Variants in GPHN observed in about 807,000 individuals in gnomAD.
The protein encoded by GPHN is gephyrin.
A neutral mutation model predicts 95.5 loss-of-function variants in GPHN; 17 were observed. That is an observed-to-expected ratio of 0.18 (90% CI 0.12 to 0.27). The LOEUF (loss-of-function observed/expected upper bound fraction) is 0.27, where lower values mean the gene tolerates loss of function less well. GPHN is among the 10% of genes least tolerant of loss of function. The pLI is 1.00. For missense variants in GPHN, 660 were observed against 978.1 expected, an observed-to-expected ratio of 0.67 and a Z score of 4.34; for synonymous variants, 320 against 322.5, an observed-to-expected ratio of 0.99 and a Z score of 0.08.
the GPHN span, among the ~76,000 whole-genome samples, chr14:67,439,557 C>CTTTCTT: frequency 1.9e-5 from 2 of 104,280 alleles, no homozygotes; most frequent in Non-Finnish European, 3.7e-5. Flanking sequence ...TTCTTTCTTT[C>CTTTCTT]TTTCTTTCTT....
the GPHN span, among the ~76,000 whole-genome samples, chr14:67,327,854 T>G: frequency 6.6e-6 from 1 of 152,238 alleles, no homozygotes; most frequent in African/African-American, 2.4e-5. Context: ...TTCCATGGTG[T>G]ATATGTGCCA....
intron 20 of GPHN, among the ~76,000 whole-genome samples, chr14:67,168,054 A>G (rs1490527666): frequency 6.6e-6 from 1 of 152,232 alleles, no homozygotes; most frequent in African/African-American, 2.4e-5. Context: ...TCAGGCTGCC[A>G]TGACAGAATA....
chr14:66,994,937 C>T (rs2071683464), intron 9 of GPHN, among the ~76,000 whole-genome samples: 1 of 152,062 alleles, frequency 6.6e-6, no homozygotes, highest in African/African-American at 2.4e-5. Flanking sequence ...TTTGTATATT[C>T]ATTTATTAAA....
chr14:67,563,878 T>C, the GPHN span, among the ~76,000 whole-genome samples: 1 of 148,214 alleles, frequency 6.7e-6, no homozygotes, highest in African/African-American at 2.5e-5. Context: ...GAATTACAGG[T>C]GTGTGCCACC....
chr14:67,439,545 CTTTCTT>C, the GPHN span, among the ~76,000 whole-genome samples: 5,493 of 137,974 alleles, frequency 0.04, 145 homozygotes, highest in Middle Eastern at 0.068. Context: ...TTCTTTCTTT[CTTTCTT>C]TCTTTCTTTC....
chr14:67,607,865 T>C, the GPHN span, among the ~76,000 whole-genome samples: 2 of 152,314 alleles, frequency 1.3e-5, no homozygotes, highest in African/African-American at 4.8e-5. Flanking sequence ...ACTCTCTGAA[T>C]AGCCAGAGAT....
At chr14:67,134,657 T>C (rs751837907) in intron 17 of GPHN, among the ~76,000 whole-genome samples, 2 of 152,224 alleles carry the variant, frequency 1.3e-5, no homozygotes, top group African/African-American at 2.4e-5. Context: ...GAGAGAGTTG[T>C]ATACTGCTGC....
the GPHN span, among the ~76,000 whole-genome samples, chr14:67,301,226 CATA>C: frequency 6.6e-6 from 1 of 151,758 alleles, no homozygotes; most frequent in East Asian, 1.9e-4. Context: ...TTGTTTTATC[CATA>C]ATAACAAGAT....
chr14:67,275,422 T>C, the GPHN span, among the ~76,000 whole-genome samples: 1 of 152,206 alleles, frequency 6.6e-6, no homozygotes, highest in Non-Finnish European at 1.5e-5. Flanking sequence ...TGGATTACGT[T>C]TATTGATTTG....
At chr14:66,801,404 C>A (rs112258177) in intron 3 of GPHN, among the ~76,000 whole-genome samples, 1 of 152,170 alleles carries the variant, frequency 6.6e-6, no homozygotes, top group Non-Finnish European at 1.5e-5. Context: ...GCATCCCAAG[C>A]CCAGTAACGC....
chr14:66,560,364 A>G (rs2060183444), intron 1 of GPHN, among the ~76,000 whole-genome samples: 1 of 152,140 alleles, frequency 6.6e-6, no homozygotes, highest in Non-Finnish European at 1.5e-5. Flanking sequence ...GATTCTTCCT[A>G]CCCATGAGCA....
intron 8 of GPHN, among the ~76,000 whole-genome samples, chr14:66,963,289 T>G (rs1367722681): frequency 6.6e-6 from 1 of 152,040 alleles, no homozygotes; most frequent in Non-Finnish European, 1.5e-5. Context: ...TAATTTACAT[T>G]GAGGCATATA....
At chr14:67,547,507 C>T in the GPHN span, among the ~76,000 whole-genome samples, 126 of 152,296 alleles carry the variant, frequency 8.3e-4, no homozygotes, top group African/African-American at 2.9e-3. Flanking sequence ...AGTTGCTACA[C>T]GCACTGGGAG....
intron 2 of GPHN, among the ~76,000 whole-genome samples, chr14:66,688,013 A>G (rs2067511763): frequency 6.6e-6 from 1 of 152,186 alleles, no homozygotes. Context: ...CCAAAAACTT[A>G]ATTACTAACT....
chr14:67,409,889 TG>T, the GPHN span, among the ~76,000 whole-genome samples: 1 of 152,106 alleles, frequency 6.6e-6, no homozygotes, highest in African/African-American at 2.4e-5. Flanking sequence ...TATGGAGGGT[TG>T]AAAAAGTTGG....
rs368221049 is a variant in GPHN, at chr14:66,554,118, A to T, written c.64+45527A>T. Among the ~76,000 whole-genome samples the T allele has an allele frequency of 3.7e-3, 559 of 152,044 alleles. 12 individuals carry two copies. Among genetic ancestry groups the T allele is most frequent in the African/African-American group, 0.013 (530 of 41,466 alleles). The stretch of plus-strand genomic sequence containing the variant: ...CTTATCTGAAAGTTTATATTTTGGA[A>T]TTTTTTTTACTTTTCTGAACCTTCT... On this transcript the variant is annotated intron_variant, in intron 1 of 22. Coordinates refer to ENST00000478722, the MANE Select transcript of GPHN (RefSeq NM_020806.5).
At chr14:66,538,722 C>T (rs2059231885) in intron 1 of GPHN, among the ~76,000 whole-genome samples, 2 of 150,906 alleles carry the variant, frequency 1.3e-5, no homozygotes, top group East Asian at 1.9e-4. Context: ...TCTCCTAACT[C>T]CACTATCAGT....
chr14:67,247,423 T>C, the GPHN span, among the ~76,000 whole-genome samples: 1 of 152,126 alleles, frequency 6.6e-6, no homozygotes, highest in Non-Finnish European at 1.5e-5. Context: ...TTTAGTAATT[T>C]TTTTTGGAAT....
chr14:67,392,226 C>T, the GPHN span: 2 of 817,466 alleles, frequency 2.4e-6, no homozygotes, highest in Non-Finnish European at 4.2e-6. Flanking sequence ...GTAATTGGTG[C>T]CCTCCAGCAG....
Sources: allele counts gnomAD v4.1 joint callset (sites outside exome capture counted in the v4.1 genomes callset), GRCh38; gene constraint gnomAD v4.1.1; transcripts MANE v1.5; gene names NCBI Gene and HGNC (gene_info 2026-07-23, HGNC 2026-07-21).